Variants in ANKRD13C observed in about 807,000 individuals in gnomAD.
ANKRD13C encodes the protein ankyrin repeat domain 13C.
ANKRD13C carries 16 observed loss-of-function variants against 65.5 expected under a neutral mutation model. The ratio of observed to expected loss-of-function variants is 0.24; its 90% CI spans 0.17 to 0.37. The LOEUF is 0.37. Among genes scored for constraint, ANKRD13C ranks in the 10% least tolerant of loss-of-function variants. The pLI, the probability that ANKRD13C is intolerant of heterozygous loss-of-function variation, is 1.00. For missense variants in ANKRD13C, 503 were observed against 655.9 expected (o/e 0.77, Z 2.55); for synonymous variants, 235 against 238.7 (o/e 0.98, Z 0.14).
intron 12 of ANKRD13C, among the ~76,000 whole-genome samples, chr1:70,270,132 A>G (rs1270343874): frequency 6.6e-6 from 1 of 152,234 alleles, no homozygotes; most frequent in Non-Finnish European, 1.5e-5. Flanking sequence ...ACGTATGAGT[A>G]TTACTTTATC....
chr1:70,304,776 A>C lies in ANKRD13C; in HGVS notation c.776+1448T>G, dbSNP rs185137732. ...TGCCTACCATCTTTGGCAAGCACCT[A>C]TATTAAAAATGTCTAAATTAATGAA... is the stretch of plus-strand genomic sequence containing the variant. On this transcript the variant is annotated intron_variant, in intron 6 of 12. Transcript: ENST00000370944. 2.0e-5 allele frequency among the ~76,000 whole-genome samples: 3 copies of C among 152,304 alleles called. No individual in the cohort carries two copies. The East Asian group carries it at 5.8e-4, about 29-fold the overall frequency.
At chr1:70,267,585 GGTA>G (rs1056700194) in intron 12 of ANKRD13C, among the ~76,000 whole-genome samples, 6 of 151,802 alleles carry the variant, frequency 4.0e-5, no homozygotes, top group African/African-American at 1.2e-4. Context: ...TCTTTTAATT[GGTA>G]TATTTAGACC....
intron 9 of ANKRD13C, among the ~76,000 whole-genome samples, chr1:70,286,324 T>C (rs1324820139): frequency 6.6e-6 from 1 of 152,100 alleles, no homozygotes; most frequent in Non-Finnish European, 1.5e-5. Context: ...AAATAACATA[T>C]AAAAAGGCAC....
chr1:70,330,644 G>C (rs1178598525), intron 2 of ANKRD13C, among the ~76,000 whole-genome samples: 2 of 145,736 alleles, frequency 1.4e-5, no homozygotes, highest in Non-Finnish European at 3.0e-5. Context: ...CAAATATAGA[G>C]AGAACCAGTG....
chr1:70,317,820 A>C (rs1048862517), intron 3 of ANKRD13C, among the ~76,000 whole-genome samples: 2 of 152,210 alleles, frequency 1.3e-5, no homozygotes, highest in African/African-American at 4.8e-5. Flanking sequence ...AGTTGAATGC[A>C]GAGAATGAAA....
chr1:70,284,243 T>A (rs1679523829), intron 9 of ANKRD13C, among the ~76,000 whole-genome samples: 1 of 152,160 alleles, frequency 6.6e-6, no homozygotes, highest in Non-Finnish European at 1.5e-5. Context: ...ATAAAGCATA[T>A]AAATTCATTC....
At chr1:70,327,421 C>CA (rs1681588742) in intron 2 of ANKRD13C, among the ~76,000 whole-genome samples, 1 of 152,088 alleles carries the variant, frequency 6.6e-6, no homozygotes, top group Non-Finnish European at 1.5e-5. Context: ...GGACATTCTA[C>CA]AAGTTAACTG....
chr1:70,322,626 G>C (rs879313690), intron 3 of ANKRD13C, among the ~76,000 whole-genome samples: 1 of 152,124 alleles, frequency 6.6e-6, no homozygotes, highest in Non-Finnish European at 1.5e-5. Flanking sequence ...AAGAGACCAG[G>C]TCTTTTATTC....
intron 2 of ANKRD13C, among the ~76,000 whole-genome samples, chr1:70,327,907 A>G (rs1212671009): frequency 2.0e-5 from 3 of 152,038 alleles, no homozygotes. Context: ...CTACTAAAAT[A>G]CAAAAAAATT....
At chr1:70,303,577 T>C (rs1048116941) in intron 6 of ANKRD13C, among the ~76,000 whole-genome samples, 2 of 152,228 alleles carry the variant, frequency 1.3e-5, no homozygotes, top group South Asian at 4.1e-4. Flanking sequence ...GTTAGTACTC[T>C]CAAGAATAAT....
intron 9 of ANKRD13C, among the ~76,000 whole-genome samples, chr1:70,277,467 A>C (rs1288388156): frequency 2.0e-5 from 3 of 152,070 alleles, no homozygotes; most frequent in Admixed American, 6.6e-5. Flanking sequence ...AAAAAAAAAA[A>C]AAACAAAACT....
intron 11 of ANKRD13C, among the ~76,000 whole-genome samples, chr1:70,274,473 C>CAAAAAAAAAACAAA (rs1679040667): frequency 2.6e-5 from 1 of 38,668 alleles, no homozygotes; most frequent in Non-Finnish European, 5.6e-5. Flanking sequence ...GACTCCATCT[C>CAAAAAAAAAACAAA]AAAAAAAAAA....
intron 1 of ANKRD13C, among the ~76,000 whole-genome samples, chr1:70,352,430 T>C (rs1461213333): frequency 1.3e-5 from 2 of 151,324 alleles, no homozygotes; most frequent in Non-Finnish European, 2.9e-5. Flanking sequence ...TTGAACAGAA[T>C]TTGAACTTAA....
chr1:70,291,846 C>T (rs986306029), intron 9 of ANKRD13C, among the ~76,000 whole-genome samples: 5 of 151,480 alleles, frequency 3.3e-5, no homozygotes, highest in Admixed American at 1.3e-4. Context: ...GGGCCAGGCA[C>T]AGTGGCTCAC....
At chr1:70,333,029 A>G (rs1681878256) in intron 2 of ANKRD13C, among the ~76,000 whole-genome samples, 1 of 152,146 alleles carries the variant, frequency 6.6e-6, no homozygotes, top group Non-Finnish European at 1.5e-5. Context: ...TTTGATACAG[A>G]CCATATCCTT....
intron 2 of ANKRD13C, among the ~76,000 whole-genome samples, chr1:70,329,184 G>C (rs1681677483): frequency 6.6e-6 from 1 of 152,100 alleles, no homozygotes; most frequent in Non-Finnish European, 1.5e-5. Context: ...TCTATGTATT[G>C]TATGATTTCA....
chr1:70,291,950 C>A (rs1572066928), intron 9 of ANKRD13C, among the ~76,000 whole-genome samples: 1 of 151,982 alleles, frequency 6.6e-6, no homozygotes, highest in African/African-American at 2.4e-5. Flanking sequence ...AAAACCCTGT[C>A]TCTACTAAAA....
At chr1:70,278,618 A>T (rs957861622) in intron 9 of ANKRD13C, among the ~76,000 whole-genome samples, 1 of 152,194 alleles carries the variant, frequency 6.6e-6, no homozygotes, top group South Asian at 2.1e-4. Context: ...AAAAGACAAT[A>T]AGTGAAAGAC....
intron 8 of ANKRD13C, among the ~76,000 whole-genome samples, chr1:70,295,607 G>A (rs1558279677): frequency 6.6e-6 from 1 of 152,016 alleles, no homozygotes; most frequent in Non-Finnish European, 1.5e-5. Flanking sequence ...CAGATACAAT[G>A]GGAATTATGG....
Sources: allele counts gnomAD v4.1 joint callset (sites outside exome capture counted in the v4.1 genomes callset), GRCh38; gene constraint gnomAD v4.1.1; transcripts MANE v1.5; gene names NCBI Gene and HGNC (gene_info 2026-07-23, HGNC 2026-07-21).